Variants in SIX5 observed in about 807,000 individuals in gnomAD.
SIX5 encodes SIX homeobox 5.
In SIX5, 21 loss-of-function variants were observed where a neutral mutation model predicts 37.1. The observed-to-expected ratio is 0.57, with a 90% CI of 0.40 to 0.81. The LOEUF (loss-of-function observed/expected upper bound fraction) is 0.81. SIX5 is among the 40% of genes least tolerant of loss of function. SIX5 has a pLI of 0.00. For synonymous variants in SIX5, 626 were observed against 505.9 expected, an observed-to-expected ratio of 1.24 and a Z score of -3.19; for missense variants, 1,137 against 1,025.1, an observed-to-expected ratio of 1.11 and a Z score of -1.49.
In SIX5 at chr19:45,766,130, C is replaced by G; in HGVS notation, c.1610-19G>C. Reference sequence around the variant, plus strand: ...AAGTTTCCTGTGGGGAGAGAGGGACCGAGCGCAGGTGAGAGCCAGGAGAGC... The same window carrying G: ...AAGTTTCCTGTGGGGAGAGAGGGACGGAGCGCAGGTGAGAGCCAGGAGAGC... On this transcript the variant is annotated intron_variant, in intron 2 of 2. Transcript: ENST00000317578. The G allele has an allele frequency of 2.5e-6, 4 of 1,606,998 alleles. No individual in the cohort carries two copies. Among genetic ancestry groups the G allele is most frequent in the Non-Finnish European group, 2.5e-6 (3 of 1,177,114 alleles).
rs189373117 is a variant in SIX5, at chr19:45,768,368, G to A, written c.477C>T (p.Phe159=). The A allele has an allele frequency of 3.8e-6, 6 of 1,592,304 alleles. No individual in the cohort carries two copies. In the East Asian group the frequency reaches 1.4e-4, roughly 36 times the overall value. ...SRPFPAAHHA[F]LQDLYLRARY... Reference sequence around the variant, plus strand: ...GCGCGCGCAGGTAGAGGTCCTGCAGGAAGGCGTGGTGGGCGGCGGGGAAGG... The same window carrying A: ...GCGCGCGCAGGTAGAGGTCCTGCAGAAAGGCGTGGTGGGCGGCGGGGAAGG... The change falls in exon 1 of 3, where the codon TTC becomes TTT. Residue 159 remains phenylalanine, a synonymous_variant. Transcript: ENST00000317578.
chr19:45,768,392 G>A lies in SIX5; in HGVS notation c.453C>T (p.Pro151=), dbSNP rs750293326. 4 of 1,575,782 alleles carry A rather than the reference G, an allele frequency of 2.5e-6. No homozygotes were observed. Among genetic ancestry groups the A allele is most frequent in the Admixed American group, 1.8e-5 (1 of 56,168 alleles). Reference sequence around the variant, plus strand: ...GGAAGGCGTGGTGGGCGGCGGGGAAGGGGCGGCTCTCGAGTAGCCGGTAGA... The same window carrying A: ...GGAAGGCGTGGTGGGCGGCGGGGAAAGGGCGGCTCTCGAGTAGCCGGTAGA... The part of the protein sequence containing the change: ...AELYRLLESR[P]FPAAHHAFLQ... Residue 151 remains proline, a synonymous_variant, in exon 1 of 3, where the codon CCC becomes CCT. Transcript: ENST00000317578.
At position 45,764,901 on chromosome 19, in the gene SIX5, G is replaced by A. The variant is rs1302121571; in HGVS notation, c.*600C>T. 6.2e-6 allele frequency: 1 copy of A among 161,212 alleles called. No individual in the cohort carries two copies. Among genetic ancestry groups the A allele is most frequent in the East Asian group, 1.8e-4 (1 of 5,650 alleles). 10.0% of individuals were successfully genotyped at this position (161,212 alleles called of 1,614,324 possible). On this transcript the variant is annotated 3_prime_UTR_variant, in exon 3 of 3. Transcript: ENST00000317578. ...GCGGCAGGGCTGCCCCCAGGGATGA[G>A]GGAATCTTTGGTCTGGGCCGGATAA... is the stretch of plus-strand genomic sequence containing the variant.
At position 45,765,740 on chromosome 19, in the gene SIX5, C is replaced by G; in HGVS notation, c.1981G>C (p.Ala661Pro). Residue 661 changes from alanine (A) to proline (P), a missense_variant, in exon 3 of 3, where the codon GCC (alanine) becomes CCC (proline). By Grantham distance (27) the Ala-to-Pro change is conservative. Coordinates refer to ENST00000317578, the MANE Select transcript of SIX5 (RefSeq NM_175875.5). ...PPEGLMLSPA[A>P]VPVWSAGLEL... ...AGCCCTGCTGACCAGACAGGCACGGCCGCGGGTGACAACATCAGCCCCTCT... is the reference window on the plus strand; with the variant it reads ...AGCCCTGCTGACCAGACAGGCACGGGCGCGGGTGACAACATCAGCCCCTCT... 6.2e-7 allele frequency: 1 copy of G among 1,611,910 alleles called. No individual in the cohort carries two copies. Among genetic ancestry groups the G allele is most frequent in the Middle Eastern group, 1.7e-4 (1 of 6,060 alleles).
rs762353704 is a variant in SIX5, at chr19:45,765,627, G to T, written c.2094C>A (p.Asp698Glu). 16 of 1,612,610 alleles carry T rather than the reference G, an allele frequency of 9.9e-6. No individual in the cohort carries two copies. In the South Asian group the frequency reaches 1.4e-4, roughly 14 times the overall value. Residue 698 changes from aspartate to glutamate, a missense_variant, in exon 3 of 3, where the codon GAC (aspartate) becomes GAA (glutamate). By Grantham distance (45) the Asp-to-Glu change is conservative. Around this residue, in one of 3 missense-constraint regions of SIX5, gnomAD observed 787 missense variants for 621.4 expected, o/e 1.27. Transcript: ENST00000317578. Reference protein sequence around the residue: ...QAPHTVLRLPDPDPEGLLLGA... With the variant: ...QAPHTVLRLPEPDPEGLLLGA... ...CCAGGAGCAGCCCCTCAGGGTCGGGGTCTGGCAGCCTCAGCACGGTGTGGG... is the reference window on the plus strand; with the variant it reads ...CCAGGAGCAGCCCCTCAGGGTCGGGTTCTGGCAGCCTCAGCACGGTGTGGG...
In SIX5 at chr19:45,768,282, A is replaced by C; in HGVS notation, c.563T>G (p.Leu188Arg). The change falls in exon 1 of 3, where the codon CTG (leucine) becomes CGG (arginine). Residue 188 changes from leucine (L) to arginine (R), a missense_variant. Coordinates refer to ENST00000317578, the MANE Select transcript of SIX5 (RefSeq NM_175875.5). ...CTTGGGCAGCGGGAACTTCTTGCGC[A>C]GTCGATACTTGTCCACTGCGCCAAG... ...RALGAVDKYR[L>R]RKKFPLPKTI... The C allele has an allele frequency of 6.2e-7, 1 of 1,612,450 alleles. No individual in the cohort carries two copies. Among genetic ancestry groups the C allele is most frequent in the Non-Finnish European group, 8.5e-7 (1 of 1,179,558 alleles).
In SIX5 at chr19:45,767,059, G is replaced by C. The variant is rs147444497; in HGVS notation, c.900C>G (p.Ala300=). ...TCCCTGCCAGGAATATGGAGCCCTG[G>C]GCAGCGGCCTCGGCGGACACTGGGG... ...GAAPVSAEAA[A]QGSIFLAGTG... The change falls in exon 2 of 3, where the codon GCC becomes GCG. Residue 300 remains alanine (A), a synonymous_variant. Coordinates refer to ENST00000317578, the MANE Select transcript of SIX5 (RefSeq NM_175875.5). 53 of 1,609,154 alleles carry C rather than the reference G, an allele frequency of 3.3e-5. No individual in the cohort carries two copies. The highest frequency in any genetic ancestry group is 4.3e-5 in the Non-Finnish European group (51 of 1,177,704).
At position 45,768,641 on chromosome 19, in the gene SIX5, G is replaced by A; in HGVS notation, c.204C>T (p.Gly68=). The A allele has an allele frequency of 7.9e-7, 1 of 1,266,950 alleles. No individual in the cohort carries two copies. The highest frequency in any genetic ancestry group is 9.9e-7 in the Non-Finnish European group (1 of 1,014,706). The allele number at this position is 1,266,950 out of a possible 1,614,324, so 78.5% of individuals were successfully genotyped here. A position where few individuals can be genotyped will look rare whatever the true frequency, so the allele number is the denominator to read the frequency against. Residue 68 remains glycine (G), a synonymous_variant, in exon 1 of 3, where the codon GGC becomes GGT. Coordinates refer to ENST00000317578, the MANE Select transcript of SIX5 (RefSeq NM_175875.5). ...AAGAEGPGSP[G]VPGSPPEAAS... ...CGGCCTCGGGGGGCGACCCGGGGACGCCCGGGGATCCCGGGCCCTCAGCTC... is the reference window on the plus strand; with the variant it reads ...CGGCCTCGGGGGGCGACCCGGGGACACCCGGGGATCCCGGGCCCTCAGCTC...
chr19:45,766,536 G>A lies in SIX5; in HGVS notation c.1423C>T (p.Leu475=). The part of the protein sequence containing the change: ...GLSPTSPLLN[L]PQVVPTSQVV... Reference sequence around the variant, plus strand: ...TGTGAGGTGGGTACTACCTGGGGCAGGTTCAATAGTGGGGAGGTGGGGCTC... The same window carrying A: ...TGTGAGGTGGGTACTACCTGGGGCAAGTTCAATAGTGGGGAGGTGGGGCTC... Residue 475 remains leucine, a synonymous_variant, in exon 2 of 3, where the codon CTG becomes TTG. Coordinates refer to ENST00000317578, the MANE Select transcript of SIX5 (RefSeq NM_175875.5). The A allele has an allele frequency of 6.7e-7, 1 of 1,489,860 alleles. No homozygotes were observed. Among genetic ancestry groups the A allele is most frequent in the Non-Finnish European group, 9.0e-7 (1 of 1,112,326 alleles). The allele number at this position is 1,489,860 out of a possible 1,614,324, so 92.3% of individuals were successfully genotyped here. A position where few individuals can be genotyped will look rare whatever the true frequency, so the allele number is the denominator to read the frequency against.
At position 45,766,769 on chromosome 19, in the gene SIX5, T is replaced by C; in HGVS notation, c.1190A>G (p.Glu397Gly). The change falls in exon 2 of 3, where the codon GAG becomes GGG. Residue 397 changes from glutamate to glycine, a missense_variant. Glu to Gly is a moderately conservative substitution (Grantham distance 98). Coordinates refer to ENST00000317578, the MANE Select transcript of SIX5 (RefSeq NM_175875.5). ...GGTCTCAGGGGCCTCCGACTGAGCC[T>C]CCTCCAGCCGCACCTCCCCTGTCTG... The part of the protein sequence containing the change: ...DPQTGEVRLE[E>G]AQSEAPETKG... The C allele has an allele frequency of 6.3e-7, 1 of 1,580,552 alleles. No homozygotes were observed. Among genetic ancestry groups the C allele is most frequent in the East Asian group, 2.3e-5 (1 of 42,752 alleles).
In SIX5 at chr19:45,765,384, G is replaced by A; in HGVS notation, c.*117C>T. 1 of 1,468,512 alleles carries A rather than the reference G, an allele frequency of 6.8e-7. No individual in the cohort carries two copies. Among genetic ancestry groups the A allele is most frequent in the Non-Finnish European group, 9.5e-7 (1 of 1,057,544 alleles). The allele number at this position is 1,468,512 out of a possible 1,614,324, so 91.0% of individuals were successfully genotyped here. Reference sequence around the variant, plus strand: ...ACCAGGGCTTGGAGAGGCCACCCAGGCAGAAGGATGTGGTGACTGGGGTCT... The same window carrying A: ...ACCAGGGCTTGGAGAGGCCACCCAGACAGAAGGATGTGGTGACTGGGGTCT... On this transcript the variant is annotated 3_prime_UTR_variant, in exon 3 of 3. Coordinates refer to ENST00000317578, the MANE Select transcript of SIX5 (RefSeq NM_175875.5).
chr19:45,769,047 T>G lies in SIX5; in HGVS notation c.-203A>C. 3.8e-6 allele frequency: 2 copies of G among 523,058 alleles called. No homozygotes were observed. The highest frequency in any genetic ancestry group is 3.3e-5 in the Admixed American group (1 of 30,276). The allele number at this position is 523,058 out of a possible 1,614,324, so 32.4% of individuals were successfully genotyped here. On this transcript the variant is annotated 5_prime_UTR_variant, in exon 1 of 3. Transcript: ENST00000317578. ...GTCCCCTTGTGTGTGTCCGTCCCCC[T>G]CCCGTCTGTCTGTGATTCTCCCTTT...
rs939927957 is a variant in SIX5 at position 45,767,082 on chromosome 19, G to T, written c.877C>A (p.Pro293Thr). ...TGGGCAGCGGCCTCGGCGGACACTG[G>T]GGCCGCCCCTCTCTCCAGGTCCTCA... ...SPEDLERGAAPVSAEAAAQGS... is the reference protein window; with the variant it reads ...SPEDLERGAATVSAEAAAQGS... Residue 293 changes from proline to threonine, a missense_variant, in exon 2 of 3, where the codon CCA becomes ACA. Physicochemically the swap from Pro to Thr is conservative, Grantham distance 38. Coordinates refer to ENST00000317578, the MANE Select transcript of SIX5 (RefSeq NM_175875.5). 1.9e-6 allele frequency: 3 copies of T among 1,609,614 alleles called. No individual in the cohort carries two copies. Among genetic ancestry groups the T allele is most frequent in the Non-Finnish European group, 2.5e-6 (3 of 1,177,876 alleles).
Position 45,766,840 on chromosome 19 carries a change from G to A in SIX5, c.1119C>T (p.Ser373=). 6.5e-7 allele frequency: 1 copy of A among 1,544,552 alleles called. No homozygotes were observed. Among genetic ancestry groups the A allele is most frequent in the Non-Finnish European group, 8.7e-7 (1 of 1,147,660 alleles). Residue 373 remains serine, a synonymous_variant, in exon 2 of 3, where the codon AGC becomes AGT. Transcript: ENST00000317578. ...TCTTGGTCTCGCTGGCCCCCTGAGG[G>A]CTGGGCTGCGGTGGAGGGGCACCCC... ...GGGGAPPPQP[S]PQGASETKTS... is the part of the protein sequence containing the mutation.
chr19:45,765,735 C>T lies in SIX5; in HGVS notation c.1986G>A (p.Val662=), dbSNP rs750336843. Residue 662 remains valine, a synonymous_variant, in exon 3 of 3, where the codon GTG becomes GTA. Transcript: ENST00000317578. ...PEGLMLSPAA[V]PVWSAGLELS... ...GTTCCAGCCCTGCTGACCAGACAGG[C>T]ACGGCCGCGGGTGACAACATCAGCC... The T allele has an allele frequency of 3.1e-6, 5 of 1,612,192 alleles. No individual in the cohort carries two copies. The highest frequency in any genetic ancestry group is 1.7e-5 in the Admixed American group (1 of 60,030).
rs754284021 is a variant in SIX5 at position 45,768,886 on chromosome 19, C to T, written c.-42G>A. ...AAGTTCCTCCCTCCCTCTCTTCCTC[C>T]CTCGGGCTTTCCCCAGCCTCCTCCC... On this transcript the variant is annotated 5_prime_UTR_variant, in exon 1 of 3. Coordinates refer to ENST00000317578, the MANE Select transcript of SIX5 (RefSeq NM_175875.5). 5.3e-5 allele frequency: 80 copies of T among 1,515,458 alleles called. No homozygotes were observed. Among genetic ancestry groups the T allele is most frequent in the Non-Finnish European group, 6.4e-5 (73 of 1,133,516 alleles). 93.9% of individuals were successfully genotyped at this position (1,515,458 alleles called of 1,614,324 possible). A position where few individuals can be genotyped will look rare whatever the true frequency, so the allele number is the denominator to read the frequency against.
Position 45,766,454 on chromosome 19 carries a change from C to T in SIX5, c.1505G>A (p.Gly502Asp), listed in dbSNP as rs750626973. 8 of 1,541,866 alleles carry T rather than the reference C, an allele frequency of 5.2e-6. No individual in the cohort carries two copies. The highest frequency in any genetic ancestry group is 6.1e-6 in the Non-Finnish European group (7 of 1,142,178). The stretch of plus-strand genomic sequence containing the variant: ...TGCAGCTGCCACCTTCACAGGGCTG[C>T]CTGGCCCGGCTGCCAACAGCTGCAG... ...GPLQLLAAGP[G>D]SPVKVAAAAG... is the part of the protein sequence containing the mutation. The change falls in exon 2 of 3, where the codon GGC (glycine) becomes GAC (aspartate). Residue 502 changes from glycine to aspartate, a missense_variant. Physicochemically the swap from Gly to Asp is moderately conservative, Grantham distance 94. This residue lies in a region of SIX5 where 787 missense variants were observed against 621.4 expected (regional missense o/e 1.27). Transcript: ENST00000317578.
chr19:45,766,291 G>A (rs1374263661), intron 2 of SIX5, 59 bp downstream of exon 2: 10 of 1,516,306 alleles, frequency 6.6e-6, no homozygotes, highest in South Asian at 1.2e-5. Flanking sequence ...CTCCCTCTCC[G>A]AGATGACTGC....
In SIX5 at chr19:45,768,263, C is replaced by A; in HGVS notation, c.582G>T (p.Leu194=). ...CCTCGCCGTCCCAGATGGTCTTGGGCAGCGGGAACTTCTTGCGCAGTCGAT... is the reference window on the plus strand; with the variant it reads ...CCTCGCCGTCCCAGATGGTCTTGGGAAGCGGGAACTTCTTGCGCAGTCGAT... ...DKYRLRKKFP[L]PKTIWDGEET... is the part of the protein sequence containing the mutation. The change falls in exon 1 of 3, where the codon CTG becomes CTT. Residue 194 remains leucine, a synonymous_variant. Transcript: ENST00000317578. The A allele has an allele frequency of 1.9e-6, 3 of 1,612,896 alleles. No homozygotes were observed. The highest frequency in any genetic ancestry group is 2.5e-6 in the Non-Finnish European group (3 of 1,179,668).
Sources: allele counts gnomAD v4.1 joint callset, GRCh38; gene constraint gnomAD v4.1.1; regional missense constraint gnomAD v4.1.1; transcripts MANE v1.5; gene names NCBI Gene and HGNC (gene_info 2026-07-23, HGNC 2026-07-21).